The following CDC42BPA variants were observed in gnomAD, a reference collection of about 807,000 sequenced individuals.
CDC42BPA encodes the protein serine/threonine-protein kinase MRCK alpha.
In CDC42BPA, 80 loss-of-function variants were observed where a neutral mutation model predicts 223.5. The ratio of observed to expected loss-of-function variants is 0.36; its 90% CI spans 0.30 to 0.43. The LOEUF (loss-of-function observed/expected upper bound fraction) is 0.43. CDC42BPA is among the 20% of genes least tolerant of loss of function. CDC42BPA has a pLI of 1.00. For synonymous variants in CDC42BPA, 694 were observed against 718.6 expected (o/e 0.97, Z 0.55); for missense variants, 1,743 against 2,099.9 (o/e 0.83, Z 3.32).
intron 1 of CDC42BPA, among the ~76,000 whole-genome samples, chr1:227,295,537 C>T (rs1012817261): frequency 6.6e-6 from 1 of 152,168 alleles, no homozygotes; most frequent in Non-Finnish European, 1.5e-5. Context: ...ACACAGTACA[C>T]ACAATGAAGA....
At chr1:227,091,168 A>T (rs1683003238) in intron 16 of CDC42BPA, among the ~76,000 whole-genome samples, 2 of 152,148 alleles carry the variant, frequency 1.3e-5, no homozygotes, top group African/African-American at 4.8e-5. Context: ...ACTTGGCCTG[A>T]ACTTATTAGC....
At chr1:227,105,629 C>T (rs970052297) in intron 14 of CDC42BPA, among the ~76,000 whole-genome samples, 16 of 152,088 alleles carry the variant, frequency 1.1e-4, no homozygotes, top group Non-Finnish European at 1.9e-4. Context: ...GCTGGGATTA[C>T]AGTCATGAGC....
chr1:227,112,510 C>T (rs1687099135), intron 13 of CDC42BPA, 88 bp from the exon 14 acceptor site: 1 of 1,061,558 alleles, frequency 9.4e-7, no homozygotes, highest in Non-Finnish European at 1.3e-6. Flanking sequence ...TACCTTGTAA[C>T]AGGAAGATAA....
At chr1:227,004,800 G>T in intron 35 of CDC42BPA, 194 bp downstream of exon 35, 2 of 702,808 alleles carry the variant, frequency 2.8e-6, no homozygotes, top group East Asian at 2.5e-5. Context: ...CACTCTAGAA[G>T]GACTCTGGGA....
chr1:227,159,031 G>A (rs1236074812), intron 6 of CDC42BPA, among the ~76,000 whole-genome samples: 2 of 152,130 alleles, frequency 1.3e-5, no homozygotes, highest in African/African-American at 4.8e-5. Flanking sequence ...GTATTATGCT[G>A]CCTGTTGTCC....
chr1:226,994,469 C>T lies in CDC42BPA; in HGVS notation c.5134-70G>A, dbSNP rs1002923920. The T allele has an allele frequency of 1.4e-6, 2 of 1,442,888 alleles. No homozygotes were observed. The highest frequency in any genetic ancestry group is 1.8e-6 in the Non-Finnish European group (2 of 1,092,562). The allele number at this position is 1,442,888 out of a possible 1,614,324, so 89.4% of individuals were successfully genotyped here. On this transcript the variant is annotated intron_variant, in intron 36 of 36. Coordinates refer to ENST00000366766, the MANE Select transcript of CDC42BPA (RefSeq NM_001394014.1). This position sits in a 1 kb window ranked among gnomAD's most constrained non-coding sequence, Gnocchi z 4.0. Reference sequence around the variant, plus strand: ...AGGGAGGCAGAAGGGGCTCAGATTACCACCGCCCCCTCCAGCCACCCTGAC... The same window carrying T: ...AGGGAGGCAGAAGGGGCTCAGATTATCACCGCCCCCTCCAGCCACCCTGAC...
chr1:227,089,739 A>C (rs1412884994), intron 16 of CDC42BPA, among the ~76,000 whole-genome samples: 1 of 150,630 alleles, frequency 6.6e-6, no homozygotes, highest in Non-Finnish European at 1.5e-5. Flanking sequence ...GATGTATTAG[A>C]CTGCAACACA....
In CDC42BPA at chr1:227,137,354, C is replaced by T. The variant is rs915346794; in HGVS notation, c.1390+2222G>A. 4.6e-5 allele frequency among the ~76,000 whole-genome samples: 7 copies of T among 152,112 alleles called. No homozygotes were observed. The East Asian group carries it at 7.7e-4, about 17-fold the overall frequency. The stretch of plus-strand genomic sequence containing the variant: ...TACCAGAATGGCTACAAGTGAAAAA[C>T]GCGGACGATAAGTTCTGGTGAGGAG... On this transcript the variant is annotated intron_variant, in intron 10 of 36. Transcript: ENST00000366766.
chr1:227,032,596 C>T (rs1669486302), intron 27 of CDC42BPA, among the ~76,000 whole-genome samples: 1 of 152,128 alleles, frequency 6.6e-6, no homozygotes. Context: ...CTGGGCTGAC[C>T]TCATGACTTG....
At chr1:227,190,830 TAGAGA>T (rs1669582628) in intron 5 of CDC42BPA, among the ~76,000 whole-genome samples, 1 of 151,528 alleles carries the variant, frequency 6.6e-6, no homozygotes, top group Non-Finnish European at 1.5e-5. Context: ...AAGGTAAAAG[TAGAGA>T]AAAGGAGGGA....
At chr1:227,276,877 C>T (rs1490540897) in intron 1 of CDC42BPA, among the ~76,000 whole-genome samples, 1 of 151,956 alleles carries the variant, frequency 6.6e-6, no homozygotes, top group African/African-American at 2.4e-5. Context: ...TTGAAGGCAG[C>T]ATGCTCGTTA....
chr1:227,283,731 C>A (rs1049836653), intron 1 of CDC42BPA, among the ~76,000 whole-genome samples: 6 of 152,140 alleles, frequency 3.9e-5, no homozygotes, highest in African/African-American at 1.4e-4. Flanking sequence ...ATGTAATATC[C>A]ATGTAATAAA....
At chr1:227,018,084 T>C (rs891462663) in intron 32 of CDC42BPA, among the ~76,000 whole-genome samples, 19 of 150,532 alleles carry the variant, frequency 1.3e-4, no homozygotes, top group Non-Finnish European at 2.7e-4. Flanking sequence ...TCTTGCTCTG[T>C]TGCCCAGGCT....
At chr1:227,253,963 T>C in intron 2 of CDC42BPA, 101 bp downstream of exon 2, 1 of 737,886 alleles carries the variant, frequency 1.4e-6, no homozygotes, top group South Asian at 1.6e-5. Context: ...AAATATTGTT[T>C]AACAAGTAAC....
intron 3 of CDC42BPA, among the ~76,000 whole-genome samples, chr1:227,207,311 AT>A (rs34111305): frequency 0.69 from 98,049 of 141,430 alleles, 33,801 homozygotes; most frequent in South Asian, 0.74. Flanking sequence ...TATGTCACAC[AT>A]TTTTTTTTTC....
intron 2 of CDC42BPA, among the ~76,000 whole-genome samples, chr1:227,226,134 A>G (rs949498598): frequency 5.9e-5 from 9 of 152,182 alleles, no homozygotes; most frequent in African/African-American, 2.2e-4. Flanking sequence ...TCCTCTTGCA[A>G]TTGGCCTGGA....
intron 34 of CDC42BPA, among the ~76,000 whole-genome samples, chr1:227,006,963 A>AACGACG (rs1664214194): frequency 6.6e-6 from 1 of 151,690 alleles, no homozygotes; most frequent in African/African-American, 2.4e-5. Context: ...CAACAACAAC[A>AACGACG]ACAACAACAA....
Position 227,137,187 on chromosome 1 carries a change from T to C in CDC42BPA, c.1390+2389A>G, listed in dbSNP as rs903143293. Among the ~76,000 whole-genome samples, 8 of 152,040 alleles carry C rather than the reference T, an allele frequency of 5.3e-5. No homozygotes were observed. In the East Asian group the frequency reaches 5.8e-4, roughly 11 times the overall value. On this transcript the variant is annotated intron_variant, in intron 10 of 36. Transcript: ENST00000366766. ...AAGAAAAAGATATATAAAGACCTAATAGAAAAATGGGCAAGAACCTCGAAC... is the reference window on the plus strand; with the variant it reads ...AAGAAAAAGATATATAAAGACCTAACAGAAAAATGGGCAAGAACCTCGAAC...
intron 17 of CDC42BPA, among the ~76,000 whole-genome samples, chr1:227,080,019 AAAC>A (rs1263532096): frequency 2.0e-5 from 3 of 152,082 alleles, no homozygotes; most frequent in Non-Finnish European, 2.9e-5. Context: ...CTTGTGTATG[AAAC>A]AACATTTTGA....
Sources: allele counts gnomAD v4.1 joint callset (sites outside exome capture counted in the v4.1 genomes callset), GRCh38; gene constraint gnomAD v4.1.1; non-coding constraint Gnocchi (gnomAD v3.1); transcripts MANE v1.5; gene names NCBI Gene and HGNC (gene_info 2026-07-23, HGNC 2026-07-21).